SNTG1: variants seen among roughly 807,000 people sequenced by gnomAD.
The protein encoded by SNTG1 is syntrophin gamma 1, also known as gamma-1-syntrophin.
In SNTG1, 39 loss-of-function variants were observed where a neutral mutation model predicts 74.7. The ratio of observed to expected loss-of-function variants is 0.52; its 90% CI spans 0.40 to 0.68. The LOEUF (loss-of-function observed/expected upper bound fraction) is 0.68, where lower values mean the gene tolerates loss of function less well. SNTG1 is among the 30% of genes least tolerant of loss of function. SNTG1 has a pLI of 0.00. For synonymous variants in SNTG1, 254 were observed against 217.1 expected (o/e 1.17, Z -1.49); for missense variants, 685 against 609.5 (o/e 1.12, Z -1.30).
At chr8:50,117,736 C>G (rs552364461) in intron 1 of SNTG1, among the ~76,000 whole-genome samples, 139 of 152,252 alleles carry the variant, frequency 9.1e-4, no homozygotes, top group African/African-American at 3.2e-3. Context: ...CTCTCTGTTA[C>G]CACTAGACTG....
At chr8:50,410,610 C>T (rs182793887) in intron 4 of SNTG1, among the ~76,000 whole-genome samples, 17 of 152,254 alleles carry the variant, frequency 1.1e-4, no homozygotes, top group Admixed American at 3.9e-4. Context: ...ATATTAGACC[C>T]TGAGATCTTG....
chr8:49,992,710 T>G (rs1009695583), intron 1 of SNTG1, among the ~76,000 whole-genome samples: 10 of 152,234 alleles, frequency 6.6e-5, no homozygotes, highest in African/African-American at 2.4e-4. Flanking sequence ...CCTGATTAAA[T>G]GCTTTGCCAT....
rs896791720 is a variant in SNTG1, at chr8:50,794,859, A to T, written c.*2030A>T. The T allele has an allele frequency of 4.6e-5, 7 of 152,182 alleles. No homozygotes were observed. The highest frequency in any genetic ancestry group is 1.7e-4 in the African/African-American group (7 of 41,566). The allele number at this position is 152,182 out of a possible 1,614,324, so 9.4% of individuals were successfully genotyped here. A position where few individuals can be genotyped will look rare whatever the true frequency, so the allele number is the denominator to read the frequency against. On this transcript the variant is annotated 3_prime_UTR_variant, in exon 19 of 19. Transcript: ENST00000642720. ...TTACCTACCTGTAATAGAATGATTT[A>T]AAAATTGTGAAATTTTGTAAACGTT...
Position 49,952,509 on chromosome 8 carries a change from C to T in SNTG1, c.-103+40278C>T, listed in dbSNP as rs568656434. Among the ~76,000 whole-genome samples the T allele has an allele frequency of 3.3e-5, 5 of 152,202 alleles. No homozygotes were observed. In the South Asian group the frequency reaches 6.2e-4, roughly 19 times the overall value. On this transcript the variant is annotated intron_variant, in intron 1 of 18. Coordinates refer to ENST00000642720, the MANE Select transcript of SNTG1 (RefSeq NM_018967.5). The stretch of plus-strand genomic sequence containing the variant: ...AAATTAGAGGCTGCTGTGGCTGGAG[C>T]TCAGGAATGAAGAAGATGCTAGCAT...
intron 2 of SNTG1, among the ~76,000 whole-genome samples, chr8:50,313,691 G>T (rs186654842): frequency 6.7e-6 from 1 of 149,748 alleles, no homozygotes; most frequent in East Asian, 2.0e-4. Flanking sequence ...TTTAAAAACT[G>T]GTTTTTGAAA....
intron 4 of SNTG1, among the ~76,000 whole-genome samples, chr8:50,412,266 C>A (rs1002504692): frequency 1.3e-5 from 2 of 152,022 alleles, no homozygotes; most frequent in African/African-American, 4.8e-5. Flanking sequence ...ACATATAAAG[C>A]AAATTTATTG....
At chr8:50,549,658 AC>A (rs1270774028) in intron 11 of SNTG1, among the ~76,000 whole-genome samples, 9 of 152,166 alleles carry the variant, frequency 5.9e-5, no homozygotes, top group African/African-American at 2.2e-4. Context: ...TTGTCCGATC[AC>A]CAACTTCATG....
intron 10 of SNTG1, among the ~76,000 whole-genome samples, chr8:50,531,732 C>G (rs1042521889): frequency 2.0e-5 from 3 of 152,142 alleles, no homozygotes; most frequent in African/African-American, 7.2e-5. Context: ...AGTGCCCCCT[C>G]CACGTGTCCC....
chr8:50,487,457 G>A (rs1184959550), intron 8 of SNTG1, among the ~76,000 whole-genome samples: 1 of 152,144 alleles, frequency 6.6e-6, no homozygotes, highest in Non-Finnish European at 1.5e-5. Context: ...AACAATGATA[G>A]ACTGGATTAA....
At chr8:50,693,453 C>G (rs1018268111) in intron 15 of SNTG1, among the ~76,000 whole-genome samples, 1 of 152,010 alleles carries the variant, frequency 6.6e-6, no homozygotes, top group African/African-American at 2.4e-5. Context: ...TAAATGCACC[C>G]AACAGTAGGA....
chr8:50,375,352 G>A (rs907227815), intron 2 of SNTG1, among the ~76,000 whole-genome samples: 2 of 151,984 alleles, frequency 1.3e-5, no homozygotes, highest in African/African-American at 4.8e-5. Context: ...TGGGGGACAA[G>A]CTCCAGAACT....
chr8:50,673,286 A>G (rs1280191092), intron 15 of SNTG1, among the ~76,000 whole-genome samples: 1 of 152,144 alleles, frequency 6.6e-6, no homozygotes, highest in South Asian at 2.1e-4. Context: ...CATTTTCATG[A>G]TATTGATTCT....
chr8:50,322,640 T>C (rs2090576638), intron 2 of SNTG1, among the ~76,000 whole-genome samples: 1 of 152,188 alleles, frequency 6.6e-6, no homozygotes, highest in African/African-American at 2.4e-5. Flanking sequence ...TCTCTCTTTC[T>C]ACTCCCTCCT....
At chr8:50,376,748 T>TAGAG (rs1286528702) in intron 2 of SNTG1, among the ~76,000 whole-genome samples, 49 of 108,674 alleles carry the variant, frequency 4.5e-4, no homozygotes, top group African/African-American at 1.4e-3. Flanking sequence ...TATATATATA[T>TAGAG]ATATATATAG....
chr8:50,420,204 TCAAA>T (rs1187939918), intron 4 of SNTG1, among the ~76,000 whole-genome samples: 1 of 152,004 alleles, frequency 6.6e-6, no homozygotes, highest in Non-Finnish European at 1.5e-5. Flanking sequence ...AAGCATAAAG[TCAAA>T]CAAATTCATG....
At chr8:50,766,635 C>G (rs2095614590) in intron 18 of SNTG1, among the ~76,000 whole-genome samples, 2 of 151,820 alleles carry the variant, frequency 1.3e-5, no homozygotes, top group Admixed American at 1.3e-4. Context: ...CCACTTTGTT[C>G]TCCTGTGTCC....
intron 2 of SNTG1, among the ~76,000 whole-genome samples, chr8:50,382,676 C>T (rs938324780): frequency 2.0e-5 from 3 of 152,066 alleles, no homozygotes; most frequent in African/African-American, 7.2e-5. Flanking sequence ...CTCTTTTAGT[C>T]AATTATTATC....
At chr8:50,433,635 T>A (rs1423523806) in intron 4 of SNTG1, among the ~76,000 whole-genome samples, 1 of 152,198 alleles carries the variant, frequency 6.6e-6, no homozygotes, top group East Asian at 1.9e-4. Context: ...ATCTGTTAAT[T>A]AGAAAAACAA....
intron 1 of SNTG1, among the ~76,000 whole-genome samples, chr8:50,081,152 A>G (rs894966351): frequency 6.6e-6 from 1 of 152,120 alleles, no homozygotes; most frequent in Non-Finnish European, 1.5e-5. Context: ...TGTCAACTTG[A>G]ATTCAGGGCT....
Sources: gnomAD v4.1 joint callset for allele counts (sites outside exome capture counted in the v4.1 genomes callset) on GRCh38, gnomAD v4.1.1 for gene constraint, MANE v1.5 for transcripts, NCBI Gene and HGNC (gene_info 2026-07-23, HGNC 2026-07-21) for gene names.